DNAJC1: variants seen among roughly 807,000 people sequenced by gnomAD.
DNAJC1 encodes the protein dnaJ homolog subfamily C member 1.
DNAJC1 carries 58 observed loss-of-function variants against 76.6 expected under a neutral mutation model. The ratio of observed to expected loss-of-function variants is 0.76; its 90% CI spans 0.61 to 0.94. DNAJC1 has a LOEUF of 0.94. DNAJC1 is among the 40% of genes least tolerant of loss of function. DNAJC1 has a pLI of 0.00. For synonymous variants in DNAJC1, 258 were observed against 267.9 expected (o/e 0.96, Z 0.36); for missense variants, 689 against 677.3 (o/e 1.02, Z -0.19).
At chr10:21,944,844 TGACA>T (rs1837477856) in intron 1 of DNAJC1, among the ~76,000 whole-genome samples, 1 of 152,190 alleles carries the variant, frequency 6.6e-6, no homozygotes, top group Non-Finnish European at 1.5e-5. Flanking sequence ...AGGTTGTAAA[TGACA>T]GACAACTTGT....
At chr10:21,824,257 C>T (rs571987488) in intron 8 of DNAJC1, among the ~76,000 whole-genome samples, 2 of 152,324 alleles carry the variant, frequency 1.3e-5, no homozygotes, top group East Asian at 3.9e-4. Flanking sequence ...TTAAGAGCGG[C>T]TGTCATACCC....
At chr10:21,985,994 G>A (rs1442792358) in intron 1 of DNAJC1, among the ~76,000 whole-genome samples, 1 of 152,106 alleles carries the variant, frequency 6.6e-6, no homozygotes, top group Admixed American at 6.5e-5. Flanking sequence ...CTGGGAAGCC[G>A]AGGCGGGCAG....
chr10:21,886,772 AC>A (rs1257800395), intron 7 of DNAJC1, among the ~76,000 whole-genome samples: 3 of 151,774 alleles, frequency 2.0e-5, no homozygotes, highest in Non-Finnish European at 4.4e-5. Context: ...AAAATTCAAC[AC>A]CCCTTTATGT....
chr10:21,804,401 T>C (rs1834856753), intron 9 of DNAJC1, among the ~76,000 whole-genome samples: 3 of 152,086 alleles, frequency 2.0e-5, no homozygotes, highest in Admixed American at 2.0e-4. Flanking sequence ...AAAAATTATT[T>C]TAGTTTCTTT....
chr10:21,918,451 T>G (rs1245194959), intron 6 of DNAJC1, among the ~76,000 whole-genome samples: 1 of 151,692 alleles, frequency 6.6e-6, no homozygotes. Flanking sequence ...TGAATACTGT[T>G]CCTTTTTACT....
chr10:21,971,879 T>C (rs1837984751), intron 1 of DNAJC1, among the ~76,000 whole-genome samples: 1 of 152,048 alleles, frequency 6.6e-6, no homozygotes, highest in Admixed American at 6.5e-5. Flanking sequence ...TGATTGAATG[T>C]GTCATGTAAA....
intron 1 of DNAJC1, among the ~76,000 whole-genome samples, chr10:21,966,746 C>T (rs1207187542): frequency 1.3e-5 from 2 of 149,684 alleles, no homozygotes; most frequent in South Asian, 2.1e-4. Flanking sequence ...AGTGCAATGG[C>T]GCGATCTTGG....
At chr10:21,877,945 T>C (rs892757247) in intron 8 of DNAJC1, among the ~76,000 whole-genome samples, 1 of 152,194 alleles carries the variant, frequency 6.6e-6, no homozygotes, top group Non-Finnish European at 1.5e-5. Flanking sequence ...TACAATAAAC[T>C]AGAGAAAACA....
intron 1 of DNAJC1, among the ~76,000 whole-genome samples, chr10:21,958,828 T>G (rs558627975): frequency 1.3e-5 from 2 of 152,208 alleles, no homozygotes; most frequent in Non-Finnish European, 2.9e-5. Flanking sequence ...CTATTTTTTT[T>G]GCAGAAAAAT....
chr10:21,778,935 A>G (rs543056798), intron 9 of DNAJC1, among the ~76,000 whole-genome samples: 1 of 152,340 alleles, frequency 6.6e-6, no homozygotes, highest in South Asian at 2.1e-4. Context: ...CAAACGGCAC[A>G]CCAGGAGATT....
chr10:21,814,559 G>A (rs1206667528), intron 8 of DNAJC1, among the ~76,000 whole-genome samples: 1 of 152,212 alleles, frequency 6.6e-6, no homozygotes, highest in Non-Finnish European at 1.5e-5. Flanking sequence ...TCTTAGGGAA[G>A]AATGGGATCA....
rs539243289 is a variant in DNAJC1 at position 21,815,996 on chromosome 10, G to A, written c.979-9897C>T. On this transcript the variant is annotated intron_variant, in intron 8 of 11. Coordinates refer to ENST00000376980, the MANE Select transcript of DNAJC1 (RefSeq NM_022365.4). ...TGACCTCAAGTGATCCGCCTGTATC[G>A]GCCTCCCAAAGTGCTGGGATTACAG... Among the ~76,000 whole-genome samples, 130 of 151,392 alleles carry A rather than the reference G, an allele frequency of 8.6e-4. 1 individual carries two copies. The highest frequency in any genetic ancestry group is 3.4e-3 in the Middle Eastern group (1 of 292).
chr10:21,908,115 T>TATATATAATATATAATATATAAAA lies in DNAJC1; in HGVS notation c.730-3527_730-3504dup, dbSNP rs1391835713. ...TAAAATATATATAATATATAAAATA[T>TATATATAATATATAATATATAAAA]ATATATAATATATAATATATAAAAA... On this transcript the variant is annotated intron_variant, in intron 6 of 11. Transcript: ENST00000376980. Among the ~76,000 whole-genome samples the TATATATAATATATAATATATAAAA allele has an allele frequency of 4.2e-4, 45 of 106,862 alleles. 1 individual carries two copies. Among genetic ancestry groups the TATATATAATATATAATATATAAAA allele is most frequent in the African/African-American group, 1.2e-3 (32 of 25,990 alleles). The allele number at this position is 106,862 out of a possible 152,430, so 70.1% of individuals were successfully genotyped here. A position where few individuals can be genotyped will look rare whatever the true frequency, so the allele number is the denominator to read the frequency against.
intron 1 of DNAJC1, among the ~76,000 whole-genome samples, chr10:21,958,640 A>G (rs757210164): frequency 3.3e-5 from 5 of 151,916 alleles, no homozygotes; most frequent in Non-Finnish European, 7.4e-5. Flanking sequence ...GTTAGCCAGG[A>G]CAGTCTCGAT....
intron 7 of DNAJC1, among the ~76,000 whole-genome samples, chr10:21,883,197 C>T (rs2131722952): frequency 6.7e-6 from 1 of 148,240 alleles, no homozygotes; most frequent in Non-Finnish European, 1.5e-5. Context: ...GTGGGGTTAG[C>T]CAAGATCACA....
chr10:21,999,451 CTTTTTTTTTT>C (rs140026558), intron 1 of DNAJC1, among the ~76,000 whole-genome samples: 1 of 94,044 alleles, frequency 1.1e-5, no homozygotes, highest in East Asian at 3.3e-4. Context: ...CTTCTTGACT[CTTTTTTTTTT>C]TTTTTTTTTT....
chr10:21,902,271 T>C (rs1429700342), intron 7 of DNAJC1, among the ~76,000 whole-genome samples: 1 of 152,236 alleles, frequency 6.6e-6, no homozygotes, highest in African/African-American at 2.4e-5. Context: ...CAGATATTTA[T>C]ATGTTTTTTA....
rs554367126 is a variant in DNAJC1, at chr10:21,885,256, A to G, written c.821-2817T>C. Among the ~76,000 whole-genome samples, 17 of 152,298 alleles carry G rather than the reference A, an allele frequency of 1.1e-4. No homozygotes were observed. The East Asian group carries it at 3.3e-3, about 29-fold the overall frequency. The stretch of plus-strand genomic sequence containing the variant: ...AAAAAACACAAAAAAAGGGCAATAC[A>G]TAATGGCAAAGGGTTCAATTCAACA... On this transcript the variant is annotated intron_variant, in intron 7 of 11. Transcript: ENST00000376980.
chr10:21,766,197 T>C lies in DNAJC1; in HGVS notation c.1147+64A>G, dbSNP rs954908513. ...ACCCTTGTATTTAAAGAAGTTATTA[T>C]AAAAAGGGATTAATTTAGAAGAAAC... On this transcript the variant is annotated intron_variant, in intron 10 of 11. Transcript: ENST00000376980. 6.9e-5 allele frequency: 82 copies of C among 1,194,402 alleles called. 2 individuals are homozygous for C. The highest frequency in any genetic ancestry group is 4.3e-4 in the South Asian group (34 of 79,156). 74.0% of individuals were successfully genotyped at this position (1,194,402 alleles called of 1,614,324 possible).
Sources: allele counts gnomAD v4.1 joint callset (sites outside exome capture counted in the v4.1 genomes callset), GRCh38; gene constraint gnomAD v4.1.1; transcripts MANE v1.5; gene names NCBI Gene and HGNC (gene_info 2026-07-23, HGNC 2026-07-21).